SEPTIN12: variants seen among roughly 807,000 people sequenced by gnomAD.
The protein encoded by SEPTIN12 is septin 12, also known as septin-12.
Under a neutral mutation model 37.7 loss-of-function variants are expected in SEPTIN12, and 42 were observed. The observed-to-expected ratio is 1.11, with a 90% CI of 0.87 to 1.44. SEPTIN12 has a LOEUF of 1.44. Among genes scored for constraint, SEPTIN12 ranks in the 40% most tolerant of loss-of-function variants. The probability of loss-of-function intolerance (pLI) is 0.00; values close to 1 mark genes in which losing one functional copy is unlikely to be tolerated. For missense variants in SEPTIN12, 613 were observed against 479.2 expected (o/e 1.28, Z -2.61); for synonymous variants, 254 against 196.7 (o/e 1.29, Z -2.44).
At position 4,787,601 on chromosome 16, in the gene SEPTIN12, C is replaced by T. The variant is rs1280277859; in HGVS notation, c.45G>A (p.Gln15=). 10 of 1,605,200 alleles carry T rather than the reference C, an allele frequency of 6.2e-6. No individual in the cohort carries two copies. Among genetic ancestry groups the T allele is most frequent in the African/African-American group, 1.3e-5 (1 of 75,044 alleles). The part of the protein sequence containing the change: ...RRSPSPCLSS[Q]PSSPSTPPCE... ...AGGGTGGGGTGCTGGGGCTGGAGGG[C>T]TGCGAGGACAGGCAGGGAGAGGGGG... The change falls in exon 2 of 10, where the codon CAG becomes CAA. Residue 15 remains glutamine (Q), a synonymous_variant. Transcript: ENST00000268231.
chr16:4,784,308 G>C, intron 4 of SEPTIN12: 1 of 533,450 alleles, frequency 1.9e-6, no homozygotes, highest in Non-Finnish European at 3.4e-6. Context: ...TAGCACCTAC[G>C]TTGCAAGTAA....
intron 2 of SEPTIN12, 77 bp downstream of exon 2, chr16:4,787,403 G>T: frequency 7.4e-7 from 1 of 1,357,960 alleles, no homozygotes; most frequent in Non-Finnish European, 1.0e-6. Context: ...GCGACAGGCT[G>T]CCAAAGGTGA....
chr16:4,786,070 T>C lies in SEPTIN12; in HGVS notation c.202A>G (p.Thr68Ala). The C allele has an allele frequency of 6.2e-7, 1 of 1,613,636 alleles. No homozygotes were observed. Among genetic ancestry groups the C allele is most frequent in the Non-Finnish European group, 8.5e-7 (1 of 1,179,700 alleles). ...TTCCACACTTTGGACTTGAACAGCG[T>C]GTTCACCATCGTGGACTTGCCCAGC... ...SGLGKSTMVN[T>A]LFKSKVWKSN... The change falls in exon 3 of 10, where the codon ACG (threonine) becomes GCG (alanine). Residue 68 changes from threonine (T) to alanine (A), a missense_variant. Thr to Ala is a moderately conservative substitution (Grantham distance 58). Coordinates refer to ENST00000268231, the MANE Select transcript of SEPTIN12 (RefSeq NM_144605.5).
chr16:4,778,197 G>T, intron 8 of SEPTIN12, 60 bp from the exon 9 acceptor site: 1 of 1,525,482 alleles, frequency 6.6e-7, no homozygotes, highest in East Asian at 2.2e-5. Context: ...AGTGCCTACT[G>T]TATGCACCAC....
rs2141862361 is a variant in SEPTIN12, at chr16:4,778,113, A to C, written c.848T>G (p.Phe283Cys). ...IEVENMAHCE[F>C]PLLRDLLIRS... ...GATAAGCAGGTCTCTCAGGAGAGGAAATTCACAGTGCGCCATGTTCTCCAC... is the reference window on the plus strand; with the variant it reads ...GATAAGCAGGTCTCTCAGGAGAGGACATTCACAGTGCGCCATGTTCTCCAC... Residue 283 changes from phenylalanine (F) to cysteine (C), a missense_variant, in exon 9 of 10, where the codon TTT becomes TGT. Coordinates refer to ENST00000268231, the MANE Select transcript of SEPTIN12 (RefSeq NM_144605.5). 1 of 1,614,136 alleles carries C rather than the reference A, an allele frequency of 6.2e-7. No homozygotes were observed. The highest frequency in any genetic ancestry group is 1.3e-5 in the African/African-American group (1 of 75,028).
At chr16:4,784,904 G>A (rs2141875971) in intron 4 of SEPTIN12, among the ~76,000 whole-genome samples, 1 of 152,098 alleles carries the variant, frequency 6.6e-6, no homozygotes, top group Non-Finnish European at 1.5e-5. Context: ...GAGGTCAGTA[G>A]TTCGAGACCA....
upstream of SEPTIN12, among the ~76,000 whole-genome samples, chr16:4,791,180 G>C (rs2082545393): frequency 6.6e-6 from 1 of 152,200 alleles, no homozygotes; most frequent in Non-Finnish European, 1.5e-5. Flanking sequence ...GGTGAGGGGA[G>C]GAGCCTCACT....
chr16:4,784,092 C>T (rs760637407), intron 4 of SEPTIN12, 24 bp from the exon 5 acceptor site: 9 of 1,613,490 alleles, frequency 5.6e-6, no homozygotes, highest in Non-Finnish European at 7.6e-6. Flanking sequence ...TGGACCCTCC[C>T]CTCAGAACTG....
upstream of SEPTIN12, chr16:4,789,900 C>T (rs1350920306): frequency 1.4e-5 from 2 of 146,918 alleles, no homozygotes; most frequent in African/African-American, 2.7e-5. Context: ...TTCTTTTCTC[C>T]TTTCTTTTCT....
At chr16:4,780,405 A>G (rs138676960) in intron 7 of SEPTIN12, among the ~76,000 whole-genome samples, 45 of 152,138 alleles carry the variant, frequency 3.0e-4, no homozygotes, top group African/African-American at 9.9e-4. Flanking sequence ...CTTCCTATAT[A>G]TAAAGTTTTA....
intron 7 of SEPTIN12, among the ~76,000 whole-genome samples, chr16:4,781,819 T>A (rs2141869244): frequency 6.6e-6 from 1 of 151,754 alleles, no homozygotes; most frequent in South Asian, 2.1e-4. Context: ...TAATTTTGTA[T>A]TTTTAGGAGA....
In SEPTIN12 at chr16:4,785,855, G is replaced by C. The variant is rs762740565; in HGVS notation, c.326C>G (p.Thr109Arg). The C allele has an allele frequency of 3.1e-6, 5 of 1,611,222 alleles. No homozygotes were observed. The highest frequency in any genetic ancestry group is 2.2e-5 in the South Asian group (2 of 90,994). Residue 109 changes from threonine (T) to arginine (R), a missense_variant, in exon 4 of 10, where the codon ACG (threonine) becomes AGG (arginine). Coordinates refer to ENST00000268231, the MANE Select transcript of SEPTIN12 (RefSeq NM_144605.5). ...CCCGAAGCCGGGCGTGTCCGTCACC[G>C]TCAGCTTCAGCTTCACACCCTTCTC... is the stretch of plus-strand genomic sequence containing the variant. ...IEEKGVKLKL[T>R]VTDTPGFGDQ...
At chr16:4,783,841 G>A (rs1410193490) in intron 5 of SEPTIN12, 75 bp from the exon 6 acceptor site, 1 of 1,595,786 alleles carries the variant, frequency 6.3e-7, no homozygotes, top group Non-Finnish European at 8.6e-7. Context: ...GCACGGGGGT[G>A]GGGGCAGCCG....
chr16:4,783,962 A>T lies in SEPTIN12; in HGVS notation c.481T>A (p.Cys161Ser). ...RHIPDTRVHC[C>S]VYFVPPTGHC... ...CCAGTGGGTGGTACAAAGTACACGC[A>T]GCAGTGCACCCGGGTGTCTGGGATG... is the stretch of plus-strand genomic sequence containing the variant. Residue 161 changes from cysteine (C) to serine (S), a missense_variant, in exon 5 of 10, where the codon TGC (cysteine) becomes AGC (serine). Coordinates refer to ENST00000268231, the MANE Select transcript of SEPTIN12 (RefSeq NM_144605.5). The T allele has an allele frequency of 6.2e-7, 1 of 1,614,166 alleles. No homozygotes were observed. Among genetic ancestry groups the T allele is most frequent in the Non-Finnish European group, 8.5e-7 (1 of 1,180,006 alleles).
Position 4,786,016 on chromosome 16 carries a change from T to G in SEPTIN12, c.256A>C (p.Thr86Pro), listed in dbSNP as rs1483000581. The change falls in exon 3 of 10, where the codon ACA (threonine) becomes CCA (proline). Residue 86 changes from threonine (T) to proline (P), a missense_variant. Transcript: ENST00000268231. ...GAATGCAGCTGCAGCGTCTGGGGTG[T>G]GGGCACCCCCAAGCCCGGTGGGTTT... ...KSNPPGLGVP[T>P]PQTLQLHSLT... The G allele has an allele frequency of 1.2e-6, 2 of 1,613,804 alleles. No homozygotes were observed. The highest frequency in any genetic ancestry group is 2.2e-5 in the East Asian group (1 of 44,878).
At chr16:4,786,449 G>T (rs1274278082) in intron 2 of SEPTIN12, among the ~76,000 whole-genome samples, 2 of 150,984 alleles carry the variant, frequency 1.3e-5, no homozygotes. Flanking sequence ...CCGCCTCCCA[G>T]ATTCACGCCA....
chr16:4,781,615 AG>A (rs2082372278), intron 7 of SEPTIN12, among the ~76,000 whole-genome samples: 1 of 151,398 alleles, frequency 6.6e-6, no homozygotes, highest in Non-Finnish European at 1.5e-5. Flanking sequence ...CCCACGCTGT[AG>A]CAGGCAGGTG....
At chr16:4,787,811 T>C (rs1022837136) in intron 1 of SEPTIN12, 144 bp from the exon 2 acceptor site, 6 of 595,000 alleles carry the variant, frequency 1.0e-5, no homozygotes, top group South Asian at 4.0e-5. Flanking sequence ...TAAGTGCCTG[T>C]AGTCCCAGGG....
At chr16:4,780,722 T>C (rs1370787200) in intron 7 of SEPTIN12, among the ~76,000 whole-genome samples, 2 of 152,232 alleles carry the variant, frequency 1.3e-5, no homozygotes, top group African/African-American at 4.8e-5. Context: ...CTCACACCTG[T>C]AATCCTAGCA....
Sources: gnomAD v4.1 joint callset for allele counts (sites outside exome capture counted in the v4.1 genomes callset) on GRCh38, gnomAD v4.1.1 for gene constraint, MANE v1.5 for transcripts, NCBI Gene and HGNC (gene_info 2026-07-23, HGNC 2026-07-21) for gene names.